Variants in GPC5 observed in about 807,000 individuals in gnomAD.
GPC5 encodes the protein glypican 5.
In GPC5, 47 loss-of-function variants were observed where a neutral mutation model predicts 53.9. The ratio of observed to expected loss-of-function variants is 0.87; its 90% confidence interval spans 0.69 to 1.11. The LOEUF (loss-of-function observed/expected upper bound fraction) is 1.11, where lower values mean the gene tolerates loss of function less well. GPC5 is among the 50% of genes most tolerant of loss of function. The pLI is 0.00. For missense variants in GPC5, 748 were observed against 713.1 expected (o/e 1.05, Z -0.56); for synonymous variants, 286 against 263.3 (o/e 1.09, Z -0.84).
intron 6 of GPC5, among the ~76,000 whole-genome samples, chr13:92,023,751 A>AT (rs1025189606): frequency 6.6e-6 from 1 of 151,798 alleles, no homozygotes; most frequent in Admixed American, 6.6e-5. Flanking sequence ...ATAGAAATAT[A>AT]TTTTTGTATT....
At chr13:91,419,016 A>G (rs566274064) in intron 1 of GPC5, among the ~76,000 whole-genome samples, 1 of 151,972 alleles carries the variant, frequency 6.6e-6, no homozygotes, top group Admixed American at 6.6e-5. Context: ...GACCTTAATT[A>G]TATCGTGTGT....
At chr13:92,306,500 G>C (rs1926627) in intron 7 of GPC5, among the ~76,000 whole-genome samples, 13,528 of 152,188 alleles carry the variant, frequency 0.089, 883 homozygotes, top group African/African-American at 0.18. Context: ...ATTGGAGGCA[G>C]CTTAATGTAG....
chr13:92,115,035 T>C (rs1338086171), intron 6 of GPC5, among the ~76,000 whole-genome samples: 1 of 152,202 alleles, frequency 6.6e-6, no homozygotes. Flanking sequence ...TTCCACAGAA[T>C]TTGATTAGTA....
chr13:92,597,745 AC>A (rs1883926516), intron 7 of GPC5, among the ~76,000 whole-genome samples: 1 of 152,230 alleles, frequency 6.6e-6, no homozygotes, highest in South Asian at 2.1e-4. Flanking sequence ...AAAGATAGGA[AC>A]CAAAACTTAA....
At chr13:92,094,616 A>G (rs1172465960) in intron 6 of GPC5, among the ~76,000 whole-genome samples, 5 of 151,816 alleles carry the variant, frequency 3.3e-5, no homozygotes, top group Non-Finnish European at 1.5e-5. Context: ...TAATCAAAGA[A>G]ACTGTAAACA....
intron 7 of GPC5, among the ~76,000 whole-genome samples, chr13:92,282,579 G>A (rs569685975): frequency 6.6e-4 from 101 of 152,214 alleles, no homozygotes; most frequent in African/African-American, 2.1e-3. Context: ...CAGAAGAGAA[G>A]GGGGGCCAAT....
In GPC5 at chr13:91,578,431, C is replaced by T. The variant is rs188464084; in HGVS notation, c.326-114756C>T. On this transcript the variant is annotated intron_variant, in intron 2 of 7. Coordinates refer to ENST00000377067, the MANE Select transcript of GPC5 (RefSeq NM_004466.6). ...GTTTTTTCTTCCAGAATTTACTACC[C>T]CCTTTGTCATTTTAGCACCCTCTCA... 2.0e-4 allele frequency among the ~76,000 whole-genome samples: 31 copies of T among 152,140 alleles called. 1 individual carries two copies. In the East Asian group the frequency reaches 5.6e-3, roughly 28 times the overall value.
intron 7 of GPC5, among the ~76,000 whole-genome samples, chr13:92,319,926 G>T (rs1014867212): frequency 6.6e-6 from 1 of 152,042 alleles, no homozygotes; most frequent in Non-Finnish European, 1.5e-5. Context: ...CATTTAATTT[G>T]TCATTGCTTT....
chr13:92,276,151 G>A (rs1594058712), intron 7 of GPC5, among the ~76,000 whole-genome samples: 1 of 152,194 alleles, frequency 6.6e-6, no homozygotes, highest in South Asian at 2.1e-4. Context: ...TGTTTGCAAG[G>A]TTACTTGGGC....
chr13:91,602,498 T>A (rs1450347916), intron 2 of GPC5, among the ~76,000 whole-genome samples: 2 of 152,214 alleles, frequency 1.3e-5, no homozygotes, highest in Non-Finnish European at 2.9e-5. Flanking sequence ...TGTAATAGCT[T>A]TTATATTTTT....
At chr13:91,451,514 C>G (rs1436986094) in intron 2 of GPC5, among the ~76,000 whole-genome samples, 2 of 152,058 alleles carry the variant, frequency 1.3e-5, no homozygotes, top group African/African-American at 4.8e-5. Flanking sequence ...TTAGAAGAGA[C>G]CTAAGATTAT....
intron 7 of GPC5, among the ~76,000 whole-genome samples, chr13:92,800,557 A>G (rs1876863948): frequency 6.6e-6 from 1 of 151,898 alleles, no homozygotes; most frequent in Non-Finnish European, 1.5e-5. Context: ...GAAAATTGGA[A>G]TTACCAACAT....
At chr13:91,414,286 G>A (rs986973835) in intron 1 of GPC5, among the ~76,000 whole-genome samples, 23 of 152,118 alleles carry the variant, frequency 1.5e-4, no homozygotes, top group African/African-American at 5.1e-4. Flanking sequence ...CCCTTTGCGC[G>A]GCATTTACTC....
chr13:91,770,359 A>T (rs2037599992), intron 5 of GPC5, among the ~76,000 whole-genome samples: 1 of 152,140 alleles, frequency 6.6e-6, no homozygotes, highest in African/African-American at 2.4e-5. Flanking sequence ...TTAATCCATC[A>T]TCAACTGATT....
intron 7 of GPC5, among the ~76,000 whole-genome samples, chr13:92,681,127 C>T (rs1245934079): frequency 6.6e-6 from 1 of 151,726 alleles, no homozygotes; most frequent in Non-Finnish European, 1.5e-5. Context: ...TAGTTTTAAC[C>T]TCATCCCTTA....
intron 6 of GPC5, among the ~76,000 whole-genome samples, chr13:92,079,317 T>C (rs1362394217): frequency 6.6e-6 from 1 of 152,220 alleles, no homozygotes. Flanking sequence ...CCCAATGTCT[T>C]GTGATTACAG....
At chr13:91,776,768 C>G (rs1275261336) in intron 5 of GPC5, among the ~76,000 whole-genome samples, 1 of 152,176 alleles carries the variant, frequency 6.6e-6, no homozygotes, top group Non-Finnish European at 1.5e-5. Flanking sequence ...ACAGCACAGT[C>G]ACTGTGTACA....
chr13:91,488,750 A>G (rs1419855985), intron 2 of GPC5, among the ~76,000 whole-genome samples: 1 of 152,226 alleles, frequency 6.6e-6, no homozygotes, highest in African/African-American at 2.4e-5. Flanking sequence ...GTGTGTTTGA[A>G]CAATATGTTC....
At chr13:91,963,314 A>G (rs2040144101) in intron 6 of GPC5, among the ~76,000 whole-genome samples, 3 of 152,188 alleles carry the variant, frequency 2.0e-5, no homozygotes, top group Admixed American at 6.5e-5. Flanking sequence ...GTATATCCAC[A>G]GGTTTTGAAT....
Sources: gnomAD v4.1 joint callset for allele counts (sites outside exome capture counted in the v4.1 genomes callset) on GRCh38, gnomAD v4.1.1 for gene constraint, MANE v1.5 for transcripts, NCBI Gene and HGNC (gene_info 2026-07-23, HGNC 2026-07-21) for gene names.